Variants in KIAA1328 observed in about 807,000 individuals in gnomAD.
KIAA1328 encodes KIAA1328, also known as protein hinderin.
A neutral mutation model predicts 68.1 loss-of-function variants in KIAA1328; 52 were observed. The ratio of observed to expected loss-of-function variants is 0.76; its 90% CI spans 0.61 to 0.96. The LOEUF (loss-of-function observed/expected upper bound fraction) is 0.96, where lower values mean the gene tolerates loss of function less well. Ranked by LOEUF, KIAA1328 falls within the 40% of genes least tolerant of loss-of-function variation. The pLI is 0.00. For missense variants in KIAA1328, 641 were observed against 677.6 expected (o/e 0.95, Z 0.60); for synonymous variants, 232 against 239.4 (o/e 0.97, Z 0.28).
chr18:36,977,251 C>G (rs537737890), intron 6 of KIAA1328, among the ~76,000 whole-genome samples: 13 of 152,276 alleles, frequency 8.5e-5, no homozygotes, highest in African/African-American at 3.1e-4. Flanking sequence ...TCATTGGCAT[C>G]GTGAGGTAAT....
intron 7 of KIAA1328, among the ~76,000 whole-genome samples, chr18:37,106,848 A>G (rs1448101740): frequency 6.6e-6 from 1 of 152,240 alleles, no homozygotes; most frequent in African/African-American, 2.4e-5. Context: ...AAATAATGTT[A>G]CAAAGCTTTG....
intron 5 of KIAA1328, among the ~76,000 whole-genome samples, chr18:36,907,380 A>G (rs1405811956): frequency 2.6e-5 from 4 of 152,094 alleles, no homozygotes; most frequent in African/African-American, 9.7e-5. Context: ...CTTAGTGGAA[A>G]AGCAAATTAC....
Position 36,835,335 on chromosome 18 carries a change from A to C in KIAA1328, c.196A>C (p.Met66Leu). 3.1e-6 allele frequency: 5 copies of C among 1,613,704 alleles called. No homozygotes were observed. In the South Asian group the frequency reaches 5.5e-5, roughly 18 times the overall value. The change falls in exon 3 of 10, where the codon ATG becomes CTG. Residue 66 changes from methionine (M) to leucine (L), a missense_variant. Met to Leu is a conservative substitution (Grantham distance 15). Transcript: ENST00000280020. ...CAGGGTGACTGATGCTTCAATCTCC[A>C]TGGAGTCCTTAAAAGGCACAGGAGA... Reference protein sequence around the residue: ...TSRVTDASISMESLKGTGDSV... With the variant: ...TSRVTDASISLESLKGTGDSV...
chr18:37,005,971 TGAG>T (rs1248094038), intron 6 of KIAA1328, among the ~76,000 whole-genome samples: 2 of 151,554 alleles, frequency 1.3e-5, no homozygotes, highest in Non-Finnish European at 2.9e-5. Flanking sequence ...GGAGGGAGGA[TGAG>T]GAGAAGTTGG....
chr18:37,071,836 A>T (rs956282958), intron 7 of KIAA1328, among the ~76,000 whole-genome samples: 4 of 152,198 alleles, frequency 2.6e-5, no homozygotes, highest in Non-Finnish European at 5.9e-5. Flanking sequence ...TTAAATGTAG[A>T]AATTTGATCT....
intron 5 of KIAA1328, among the ~76,000 whole-genome samples, chr18:36,907,548 T>G (rs1208635857): frequency 6.6e-6 from 1 of 152,172 alleles, no homozygotes; most frequent in Non-Finnish European, 1.5e-5. Context: ...ATTGATCTGA[T>G]CATATAGTTT....
intron 9 of KIAA1328, among the ~76,000 whole-genome samples, chr18:37,176,761 A>G (rs1205703993): frequency 6.6e-6 from 1 of 152,212 alleles, no homozygotes; most frequent in Non-Finnish European, 1.5e-5. Flanking sequence ...GTCAGAGTTT[A>G]CCAAGTCTAC....
At chr18:36,968,981 A>C (rs944297354) in intron 6 of KIAA1328, among the ~76,000 whole-genome samples, 3 of 152,224 alleles carry the variant, frequency 2.0e-5, no homozygotes, top group African/African-American at 7.2e-5. Flanking sequence ...AAGACCAAGA[A>C]GATCTTTGAA....
At chr18:36,962,385 C>T (rs912613325) in intron 6 of KIAA1328, among the ~76,000 whole-genome samples, 1 of 152,138 alleles carries the variant, frequency 6.6e-6, no homozygotes, top group Admixed American at 6.5e-5. Context: ...GAATTTAACA[C>T]CCCACTGTCA....
intron 5 of KIAA1328, among the ~76,000 whole-genome samples, chr18:36,945,943 T>G (rs1001002030): frequency 6.6e-6 from 1 of 152,248 alleles, no homozygotes; most frequent in Non-Finnish European, 1.5e-5. Flanking sequence ...ATTTTGGATT[T>G]TTTTAGATCT....
At chr18:36,846,286 C>G (rs1382325322) in intron 4 of KIAA1328, among the ~76,000 whole-genome samples, 2 of 151,498 alleles carry the variant, frequency 1.3e-5, no homozygotes, top group African/African-American at 2.4e-5. Flanking sequence ...ATACTTACGT[C>G]TCTTTTATCT....
At chr18:37,028,206 A>G (rs2054672089) in intron 6 of KIAA1328, among the ~76,000 whole-genome samples, 1 of 152,158 alleles carries the variant, frequency 6.6e-6, no homozygotes, top group Admixed American at 6.5e-5. Flanking sequence ...AATGACCTCT[A>G]GCTCCATCTG....
intron 6 of KIAA1328, among the ~76,000 whole-genome samples, chr18:37,030,129 T>C (rs1167455220): frequency 6.6e-6 from 1 of 152,134 alleles, no homozygotes; most frequent in Admixed American, 6.5e-5. Flanking sequence ...TAACAAAACA[T>C]CTTTTATTAG....
chr18:36,965,517 G>A (rs1252034579), intron 6 of KIAA1328, among the ~76,000 whole-genome samples: 1 of 330 alleles, frequency 3.0e-3, no homozygotes, highest in South Asian at 0.019. Context: ...GCCAGGCGTG[G>A]TGGCCACCAC....
At chr18:37,121,430 C>CTATT (rs1442740141) in intron 7 of KIAA1328, among the ~76,000 whole-genome samples, 1 of 151,748 alleles carries the variant, frequency 6.6e-6, no homozygotes, top group Non-Finnish European at 1.5e-5. Context: ...ATCTATCTAT[C>CTATT]TATCTATCTA....
intron 4 of KIAA1328, among the ~76,000 whole-genome samples, chr18:36,864,197 A>T (rs180873582): frequency 6.6e-6 from 1 of 152,060 alleles, no homozygotes; most frequent in South Asian, 2.1e-4. Context: ...GTCGATTGAT[A>T]TGATTACATG....
chr18:37,210,032 C>A (rs2060286537), intron 9 of KIAA1328, among the ~76,000 whole-genome samples: 1 of 152,096 alleles, frequency 6.6e-6, no homozygotes, highest in Non-Finnish European at 1.5e-5. Flanking sequence ...GAAGGAAAAT[C>A]AGGAGATGTC....
At chr18:36,966,914 C>T (rs555668974) in intron 6 of KIAA1328, among the ~76,000 whole-genome samples, 40 of 152,202 alleles carry the variant, frequency 2.6e-4, no homozygotes, top group South Asian at 1.5e-3. Flanking sequence ...ACTGGTAAAA[C>T]AGTCTTAAAA....
At position 36,874,436 on chromosome 18, in the gene KIAA1328, T is replaced by C. The variant is rs556528082; in HGVS notation, c.333-11121T>C. Among the ~76,000 whole-genome samples, 22 of 152,330 alleles carry C rather than the reference T, an allele frequency of 1.4e-4. 1 individual carries two copies. In the South Asian group the frequency reaches 4.6e-3, roughly 32 times the overall value. On this transcript the variant is annotated intron_variant, in intron 4 of 9. Coordinates refer to ENST00000280020, the MANE Select transcript of KIAA1328 (RefSeq NM_020776.3). ...TGATTTGCATTTCTTTAATGACCAG[T>C]GGTGATGAGCTTTTTATCATATGTT...
Sources: gnomAD v4.1 joint callset for allele counts (sites outside exome capture counted in the v4.1 genomes callset) on GRCh38, gnomAD v4.1.1 for gene constraint, MANE v1.5 for transcripts, NCBI Gene and HGNC (gene_info 2026-07-23, HGNC 2026-07-21) for gene names.